ANKRD28: variants seen among roughly 807,000 people sequenced by gnomAD.
ANKRD28 encodes ankyrin repeat domain 28.
A neutral mutation model predicts 126.5 loss-of-function variants in ANKRD28; 44 were observed. The ratio of observed to expected loss-of-function variants is 0.35; its 90% CI spans 0.27 to 0.45. ANKRD28 has a LOEUF of 0.45. Ranked by LOEUF, ANKRD28 falls within the 20% of genes least tolerant of loss-of-function variation. ANKRD28 has a pLI of 1.00. For missense variants in ANKRD28, 1,110 were observed against 1,316.6 expected, an observed-to-expected ratio of 0.84 and a Z score of 2.43; for synonymous variants, 442 against 468.5, an observed-to-expected ratio of 0.94 and a Z score of 0.73.
intron 1 of ANKRD28, among the ~76,000 whole-genome samples, chr3:15,809,474 C>G (rs903098993): frequency 6.6e-6 from 1 of 152,196 alleles, no homozygotes. Flanking sequence ...GGAAAGAGCA[C>G]ATGACTGAAA....
chr3:15,674,635 C>T (rs2066747755), intron 27 of ANKRD28, among the ~76,000 whole-genome samples: 1 of 151,914 alleles, frequency 6.6e-6, no homozygotes. Context: ...TATTTAAAAC[C>T]AAAGGAACTG....
chr3:15,799,051 T>C (rs1017234211), upstream of ANKRD28, among the ~76,000 whole-genome samples: 2 of 152,028 alleles, frequency 1.3e-5, no homozygotes, highest in African/African-American at 4.8e-5. Flanking sequence ...ATTAATAAAG[T>C]TGTGTGTTAT....
intron 1 of ANKRD28, among the ~76,000 whole-genome samples, chr3:15,856,402 C>A (rs1192771728): frequency 6.6e-6 from 1 of 152,114 alleles, no homozygotes; most frequent in Non-Finnish European, 1.5e-5. Context: ...ACCCTTCTTA[C>A]TAGGGTGTAC....
At chr3:15,777,288 A>G (rs978165571) in intron 2 of ANKRD28, among the ~76,000 whole-genome samples, 131 of 148,540 alleles carry the variant, frequency 8.8e-4, no homozygotes, top group African/African-American at 2.8e-3. Context: ...AAAAAAAAAA[A>G]GAAAAAAAAG....
intron 3 of ANKRD28, among the ~76,000 whole-genome samples, chr3:15,752,828 CA>C (rs1303022642): frequency 6.6e-6 from 1 of 152,186 alleles, no homozygotes; most frequent in Admixed American, 6.5e-5. Context: ...AGGGAATAAT[CA>C]AGTGCAGTGA....
At chr3:15,810,888 T>A (rs2060697796) in intron 1 of ANKRD28, among the ~76,000 whole-genome samples, 1 of 152,164 alleles carries the variant, frequency 6.6e-6, no homozygotes, top group Non-Finnish European at 1.5e-5. Context: ...GAAGCAAACC[T>A]GCAAAGCCAG....
At chr3:15,759,979 G>C (rs1438248686) in intron 3 of ANKRD28, among the ~76,000 whole-genome samples, 1 of 152,158 alleles carries the variant, frequency 6.6e-6, no homozygotes, top group Non-Finnish European at 1.5e-5. Context: ...TGCTAAAAAA[G>C]AGACCAAGAA....
intron 2 of ANKRD28, among the ~76,000 whole-genome samples, chr3:15,777,889 CA>C (rs1559515164): frequency 6.3e-4 from 96 of 151,524 alleles, no homozygotes; most frequent in African/African-American, 2.2e-3. Context: ...CACACACACA[CA>C]CACACACACA....
chr3:15,859,530 A>G, exon 1 of ANKRD28: 1 of 841,690 alleles, frequency 1.2e-6, no homozygotes, highest in Non-Finnish European at 1.6e-6. Flanking sequence ...TCCGCGGCCG[A>G]CTGCGCTGAG....
intron 6 of ANKRD28, among the ~76,000 whole-genome samples, chr3:15,725,475 T>C (rs1208472069): frequency 6.6e-6 from 1 of 152,210 alleles, no homozygotes; most frequent in Non-Finnish European, 1.5e-5. Context: ...TGGCATACCA[T>C]ATTGTATGTA....
intron 3 of ANKRD28, among the ~76,000 whole-genome samples, chr3:15,756,199 G>A (rs1027634975): frequency 9.9e-5 from 15 of 152,138 alleles, no homozygotes; most frequent in African/African-American, 3.4e-4. Flanking sequence ...AGATGTGACT[G>A]AGTTTCTGAT....
intron 15 of ANKRD28, among the ~76,000 whole-genome samples, chr3:15,695,741 G>A (rs1211318601): frequency 6.6e-6 from 1 of 152,106 alleles, no homozygotes; most frequent in Non-Finnish European, 1.5e-5. Context: ...GTTAGGAGGG[G>A]TTGTGAAATA....
intron 27 of ANKRD28, among the ~76,000 whole-genome samples, chr3:15,673,676 T>C (rs1267982004): frequency 6.6e-6 from 1 of 152,154 alleles, no homozygotes; most frequent in Admixed American, 6.5e-5. Context: ...AAGATGAAAC[T>C]GGAGCTAAGA....
At position 15,854,788 on chromosome 3, in the gene ANKRD28, C is replaced by G. The variant is rs1236190565; in HGVS notation, c.27+4589G>C. Among the ~76,000 whole-genome samples, 2 of 152,028 alleles carry G rather than the reference C, an allele frequency of 1.3e-5. No homozygotes were observed. The highest frequency in any genetic ancestry group is 2.9e-5 in the Non-Finnish European group (2 of 67,994). On this transcript the variant is annotated intron_variant, in intron 1 of 27. Transcript: ENST00000399451. The surrounding 1 kb of genome is among the most constrained non-coding windows in gnomAD (Gnocchi z 4.1). ...AAGACACGCCAGGCATGGTGGCTCA[C>G]GCCTGTAATCCCAGCACTTTGGGAG... is the stretch of plus-strand genomic sequence containing the variant.
intron 14 of ANKRD28, among the ~76,000 whole-genome samples, chr3:15,706,251 C>G (rs952562477): frequency 6.6e-5 from 10 of 151,966 alleles, no homozygotes; most frequent in Non-Finnish European, 1.5e-4. Flanking sequence ...CCTCCCCACC[C>G]CATGACAGGC....
chr3:15,677,603 TG>T (rs1481851487), intron 24 of ANKRD28, 41 bp from the exon 25 acceptor site: 1 of 1,449,520 alleles, frequency 6.9e-7, no homozygotes, highest in African/African-American at 1.4e-5. Flanking sequence ...TTTATGAACA[TG>T]TTTCTTAGAT....
At chr3:15,673,496 T>C (rs904535075) in intron 27 of ANKRD28, among the ~76,000 whole-genome samples, 4 of 152,186 alleles carry the variant, frequency 2.6e-5, no homozygotes, top group African/African-American at 7.2e-5. Context: ...TTCACTTTAG[T>C]GGAGAAGACA....
Position 15,669,081 on chromosome 3 carries a change from G to C in ANKRD28, c.*1189C>G, listed in dbSNP as rs570459039. 6.6e-6 allele frequency: 1 copy of C among 152,394 alleles called. No individual in the cohort carries two copies. The highest frequency in any genetic ancestry group is 2.1e-4 in the South Asian group (1 of 4,828). 9.4% of individuals were successfully genotyped at this position (152,394 alleles called of 1,614,324 possible). ...AGGCAACTGCTTCTCTCTCCAAATA[G>C]TAACAGGTTACAAACATGCTACTTT... On this transcript the variant is annotated 3_prime_UTR_variant, in exon 28 of 28. Coordinates refer to ENST00000683139, the MANE Select transcript of ANKRD28 (RefSeq NM_001349278.2).
intron 14 of ANKRD28, among the ~76,000 whole-genome samples, chr3:15,703,647 A>C (rs924750859): frequency 3.9e-5 from 6 of 152,214 alleles, no homozygotes; most frequent in African/African-American, 1.4e-4. Context: ...GTTGTTTATA[A>C]GCCACCCAGT....
Sources: allele counts gnomAD v4.1 joint callset (sites outside exome capture counted in the v4.1 genomes callset), GRCh38; gene constraint gnomAD v4.1.1; non-coding constraint Gnocchi (gnomAD v3.1); transcripts MANE v1.5; gene names NCBI Gene and HGNC (gene_info 2026-07-23, HGNC 2026-07-21).